The following CXCR2 variants were observed in gnomAD, a reference collection of about 807,000 sequenced individuals.
CXCR2 encodes the protein C-X-C motif chemokine receptor 2.
CXCR2 carries 2 observed loss-of-function variants against 3.7 expected under a neutral mutation model. That is an observed-to-expected ratio of 0.55 (90% CI 0.22 to 1.72). The LOEUF (loss-of-function observed/expected upper bound fraction) is 1.72. Among genes scored for constraint, CXCR2 ranks in the 40% most tolerant of loss-of-function variants. The pLI is 0.19. For missense variants in CXCR2, 351 were observed against 450.1 expected, an observed-to-expected ratio of 0.78 and a Z score of 1.99; for synonymous variants, 203 against 193.3, an observed-to-expected ratio of 1.05 and a Z score of -0.41.
In CXCR2 at chr2:218,134,875, AC is replaced by A; in HGVS notation, c.75del (p.Tyr25Ter). On this transcript the variant is annotated frameshift_variant, in exon 3 of 3. Coordinates refer to ENST00000318507, the MANE Select transcript of CXCR2 (RefSeq NM_001557.4). LOFTEE classifies it low-confidence loss of function (END_TRUNC). ...WKGEDLSNYSYSSTLPPFLLD... is the reference protein window; with the variant it reads ...WKGEDLSNYSXSSTLPPFLLD... ...GGTGAAGATCTTAGTAATTACAGTTACAGCTCTACCCTGCCCCCTTTTCTAC... is the reference window on the plus strand; with the variant it reads ...GGTGAAGATCTTAGTAATTACAGTTAAGCTCTACCCTGCCCCCTTTTCTAC... 5 of 1,614,162 alleles carry A rather than the reference AC, an allele frequency of 3.1e-6. No individual in the cohort carries two copies. The highest frequency in any genetic ancestry group is 4.2e-6 in the Non-Finnish European group (5 of 1,180,018).
chr2:218,133,019 T>C (rs1690687737), intron 2 of CXCR2, among the ~76,000 whole-genome samples: 1 of 152,240 alleles, frequency 6.6e-6, no homozygotes, highest in Non-Finnish European at 1.5e-5. Flanking sequence ...TTCTGACTTT[T>C]CCACTTCCTC....
chr2:218,132,563 C>G (rs1690673928), intron 2 of CXCR2, among the ~76,000 whole-genome samples: 1 of 152,200 alleles, frequency 6.6e-6, no homozygotes, highest in Non-Finnish European at 1.5e-5. Context: ...GCCTACTACA[C>G]ACATGGGCTA....
chr2:218,132,577 G>A (rs1289098038), intron 2 of CXCR2, among the ~76,000 whole-genome samples: 3 of 152,180 alleles, frequency 2.0e-5, no homozygotes, highest in Non-Finnish European at 4.4e-5. Flanking sequence ...TGGGCTATAT[G>A]GTAGAGTACT....
At chr2:218,129,587 C>T (rs1370719029) in intron 2 of CXCR2, among the ~76,000 whole-genome samples, 1 of 152,144 alleles carries the variant, frequency 6.6e-6, no homozygotes, top group African/African-American at 2.4e-5. Context: ...CACTCAGGGC[C>T]ACTTGCTGCC....
Position 218,134,871 on chromosome 2 carries a change from A to T in CXCR2, c.70A>T (p.Ser24Cys). The change falls in exon 3 of 3, where the codon AGT becomes TGT. Residue 24 changes from serine (S) to cysteine (C), a missense_variant. Coordinates refer to ENST00000318507, the MANE Select transcript of CXCR2 (RefSeq NM_001557.4). ...FWKGEDLSNYSYSSTLPPFLL... is the reference protein window; with the variant it reads ...FWKGEDLSNYCYSSTLPPFLL... ...GAAAGGTGAAGATCTTAGTAATTAC[A>T]GTTACAGCTCTACCCTGCCCCCTTT... 6.2e-7 allele frequency: 1 copy of T among 1,614,194 alleles called. No individual in the cohort carries two copies. Among genetic ancestry groups the T allele is most frequent in the Non-Finnish European group, 8.5e-7 (1 of 1,180,024 alleles).
At chr2:218,128,977 G>A (rs1574537297) in intron 1 of CXCR2, among the ~76,000 whole-genome samples, 2 of 152,206 alleles carry the variant, frequency 1.3e-5, no homozygotes, top group Non-Finnish European at 2.9e-5. Flanking sequence ...GGAATGCCAG[G>A]AGACTCAGAC....
chr2:218,130,477 G>A (rs958114828), intron 2 of CXCR2, among the ~76,000 whole-genome samples: 6 of 152,060 alleles, frequency 3.9e-5, no homozygotes. Context: ...AATAGATGAG[G>A]TGCACTTTTT....
At chr2:218,130,662 T>A (rs898620696) in intron 2 of CXCR2, among the ~76,000 whole-genome samples, 2 of 152,174 alleles carry the variant, frequency 1.3e-5, no homozygotes, top group African/African-American at 4.8e-5. Flanking sequence ...CCTAATTGTA[T>A]CTATTTGTAA....
chr2:218,127,588 C>T (rs952305302), intron 1 of CXCR2, among the ~76,000 whole-genome samples: 2 of 152,150 alleles, frequency 1.3e-5, no homozygotes, highest in Non-Finnish European at 2.9e-5. Flanking sequence ...CAGGGAGGTA[C>T]CTAATGGAGC....
intron 2 of CXCR2, 81 bp from the exon 3 acceptor site, chr2:218,134,696 G>A: frequency 7.6e-7 from 1 of 1,322,892 alleles, no homozygotes; most frequent in Non-Finnish European, 1.0e-6. Context: ...CCAACACAAA[G>A]AATCCTATCC....
At position 218,131,659 on chromosome 2, in the gene CXCR2, C is replaced by T. The variant is rs1207905021; in HGVS notation, c.-26+2294C>T. On this transcript the variant is annotated intron_variant, in intron 2 of 2. Coordinates refer to ENST00000318507, the MANE Select transcript of CXCR2 (RefSeq NM_001557.4). ...TAATTTTTTGTATTTTTAGTAGAGA[C>T]GGGGTTTCACTGCATTAGCCAGGAT... Among the ~76,000 whole-genome samples, 9 of 151,518 alleles carry T rather than the reference C, an allele frequency of 5.9e-5. No homozygotes were observed. In the South Asian group the frequency reaches 8.3e-4, roughly 14 times the overall value.
At chr2:218,127,845 C>T (rs1690544926) in intron 1 of CXCR2, among the ~76,000 whole-genome samples, 1 of 152,134 alleles carries the variant, frequency 6.6e-6, no homozygotes, top group Admixed American at 6.5e-5. Context: ...CTGGTAGACA[C>T]TCAACATTAC....
intron 2 of CXCR2, among the ~76,000 whole-genome samples, chr2:218,130,398 A>G (rs1690613661): frequency 6.6e-6 from 1 of 152,198 alleles, no homozygotes; most frequent in Non-Finnish European, 1.5e-5. Context: ...CCAGCCTGGC[A>G]ACAGAGCGAG....
chr2:218,132,089 C>T (rs1021272728), intron 2 of CXCR2, among the ~76,000 whole-genome samples: 4 of 151,998 alleles, frequency 2.6e-5, no homozygotes, highest in Non-Finnish European at 4.4e-5. Context: ...TTTGCAAGGC[C>T]GTGTACCCTT....
chr2:218,130,178 T>A (rs1170898325), intron 2 of CXCR2, among the ~76,000 whole-genome samples: 1 of 152,174 alleles, frequency 6.6e-6, no homozygotes, highest in Non-Finnish European at 1.5e-5. Context: ...CTCAGCACTT[T>A]GGGAGGCTAA....
At position 218,128,449 on chromosome 2, in the gene CXCR2, G is replaced by A. The variant is rs1182705219; in HGVS notation, c.-77-865G>A. 2.6e-5 allele frequency among the ~76,000 whole-genome samples: 4 copies of A among 152,216 alleles called. No homozygotes were observed. In the South Asian group the frequency reaches 8.3e-4, roughly 32 times the overall value. Reference sequence around the variant, plus strand: ...AGGGTAAGGAATAATGGAGGGGATTGAGGTGTTGTTCACTGGGGTGGGCAC... The same window carrying A: ...AGGGTAAGGAATAATGGAGGGGATTAAGGTGTTGTTCACTGGGGTGGGCAC... On this transcript the variant is annotated intron_variant, in intron 1 of 2. Coordinates refer to ENST00000318507, the MANE Select transcript of CXCR2 (RefSeq NM_001557.4).
rs56288225 is a variant in CXCR2 at position 218,134,656 on chromosome 2, G to A, written c.-25-121G>A. The A allele has an allele frequency of 4.3e-3, 4,017 of 941,560 alleles. 64 individuals carry two copies. The highest frequency in any genetic ancestry group is 0.036 in the South Asian group (1,970 of 54,260). The allele number at this position is 941,560 out of a possible 1,614,324, so 58.3% of individuals were successfully genotyped here. The stretch of plus-strand genomic sequence containing the variant: ...AAGAGCTACCACTTACAAATTTGAA[G>A]GGAAAAATTACTACATTGTAATACT... On this transcript the variant is annotated intron_variant, in intron 2 of 2. Transcript: ENST00000318507.
intron 2 of CXCR2, among the ~76,000 whole-genome samples, chr2:218,134,044 A>C (rs939285628): frequency 6.6e-6 from 1 of 152,236 alleles, no homozygotes; most frequent in Non-Finnish European, 1.5e-5. Flanking sequence ...GGCCTTACTA[A>C]TTAACTGAAG....
rs1196146359 is a variant in CXCR2, at chr2:218,135,869, T to C, written c.1068T>C (p.Thr356=). 1 of 1,611,178 alleles carries C rather than the reference T, an allele frequency of 6.2e-7. No individual in the cohort carries two copies. The highest frequency in any genetic ancestry group is 1.3e-5 in the African/African-American group (1 of 74,838). The stretch of plus-strand genomic sequence containing the variant: ...TTGTTGGCTCTTCTTCAGGGCACAC[T>C]TCCACTACTCTCTAAGACCTCCTGC... ...PSFVGSSSGH[T]STTL is the part of the protein sequence containing the mutation. The change falls in exon 3 of 3, where the codon ACT becomes ACC. Residue 356 remains threonine, a synonymous_variant. Transcript: ENST00000318507. The surrounding 1 kb of genome is among the most constrained non-coding windows in gnomAD (Gnocchi z 4.0).
Sources: gnomAD v4.1 joint callset for allele counts (sites outside exome capture counted in the v4.1 genomes callset) on GRCh38, gnomAD v4.1.1 for gene constraint, Gnocchi (gnomAD v3.1) non-coding constraint, MANE v1.5 for transcripts, NCBI Gene and HGNC (gene_info 2026-07-23, HGNC 2026-07-21) for gene names.